HDAC5: variants seen among roughly 807,000 people sequenced by gnomAD.
HDAC5 encodes the protein antigen NY-CO-9.
Under a neutral mutation model 133.3 loss-of-function variants are expected in HDAC5, and 25 were observed. The observed-to-expected ratio is 0.19, with a 90% CI of 0.14 to 0.26. The LOEUF is 0.26. HDAC5 is among the 10% of genes least tolerant of loss of function. The pLI, the probability that HDAC5 is intolerant of heterozygous loss-of-function variation, is 1.00. For missense variants in HDAC5, 1,041 were observed against 1,460.5 expected (o/e 0.71, Z 4.68); for synonymous variants, 589 against 610.8 (o/e 0.96, Z 0.53).
At position 44,092,445 on chromosome 17, in the gene HDAC5, C is replaced by T; in HGVS notation, c.855G>A (p.Lys285=). The T allele has an allele frequency of 6.2e-7, 1 of 1,614,056 alleles. No homozygotes were observed. Among genetic ancestry groups the T allele is most frequent in the Non-Finnish European group, 8.5e-7 (1 of 1,179,986 alleles). The change falls in exon 8 of 27, where the codon AAG becomes AAA. Residue 285 remains lysine (K), a synonymous_variant. Transcript: ENST00000682912. ...ERRSSPLLRR[K]DGTVISTFKK... is the part of the protein sequence containing the mutation. The stretch of plus-strand genomic sequence containing the variant: ...TAAAGGTGCTAATAACAGTCCCATC[C>T]TTGCGACGCAGGAGGGGACTGCTTC...
chr17:44,083,182 G>C (rs911899204), intron 18 of HDAC5, among the ~76,000 whole-genome samples: 1 of 152,058 alleles, frequency 6.6e-6, no homozygotes, highest in African/African-American at 2.4e-5. Context: ...TGTTGCCCAG[G>C]CTGGTCTCGA....
At chr17:44,109,445 A>G (rs228766) in intron 3 of HDAC5, among the ~76,000 whole-genome samples, 103,321 of 151,894 alleles carry the variant, frequency 0.68, 36,141 homozygotes, top group South Asian at 0.88. Flanking sequence ...CCAAGGTTAC[A>G]CCCCCATCCC....
At chr17:44,111,656 C>A (rs765759326) in intron 2 of HDAC5, 1 of 517,788 alleles carries the variant, frequency 1.9e-6, no homozygotes, top group East Asian at 5.4e-5. Flanking sequence ...TTCTAATAGC[C>A]CCATGGAGGT....
Position 44,109,926 on chromosome 17 carries a change from A to T in HDAC5, c.94+803T>A, listed in dbSNP as rs117270959. Among the ~76,000 whole-genome samples, 75 of 152,366 alleles carry T rather than the reference A, an allele frequency of 4.9e-4. No homozygotes were observed. In the East Asian group the frequency reaches 0.014, roughly 27 times the overall value. On this transcript the variant is annotated intron_variant, in intron 3 of 26. Coordinates refer to ENST00000682912, the MANE Select transcript of HDAC5 (RefSeq NM_005474.5). Reference sequence around the variant, plus strand: ...GGGGAGGCTGTGCCAGGAAGGCTTGATGCTGCCAACAGGTTCCTGGGAGTG... The same window carrying T: ...GGGGAGGCTGTGCCAGGAAGGCTTGTTGCTGCCAACAGGTTCCTGGGAGTG...
rs1429660493 is a variant in HDAC5, at chr17:44,080,220, A to G, written c.2831T>C (p.Val944Ala). 6.2e-7 allele frequency: 1 copy of G among 1,613,326 alleles called. No individual in the cohort carries two copies. Among genetic ancestry groups the G allele is most frequent in the Admixed American group, 1.7e-5 (1 of 60,026 alleles). ...GAACTCGTGGGCAATGGGCATCACC[A>G]CTGTCCTGCAAAGGGATGGCTCAAG... ...DVEYLTAFRT[V>A]VMPIAHEFSP... is the part of the protein sequence containing the mutation. Residue 944 changes from valine (V) to alanine (A), a missense_variant, in exon 23 of 27, where the codon GTG becomes GCG. This residue lies in a region of HDAC5 where 174 missense variants were observed against 352.7 expected (regional missense o/e 0.49). Coordinates refer to ENST00000682912, the MANE Select transcript of HDAC5 (RefSeq NM_005474.5).
Position 44,091,486 on chromosome 17 carries a change from G to C in HDAC5, c.1171C>G (p.Pro391Ala). ...GCCTCCTGCTGTGTCGACAGCTTCG[G>C]GGAGGCCTGGGGGGTGAAGGGAGGG... The part of the protein sequence containing the change: ...TVTNSHLTAS[P>A]KLSTQQEAER... Residue 391 changes from proline to alanine, a missense_variant, in exon 11 of 27, where the codon CCG becomes GCG. Transcript: ENST00000682912. 1 of 1,542,908 alleles carries C rather than the reference G, an allele frequency of 6.5e-7. No homozygotes were observed. Among genetic ancestry groups the C allele is most frequent in the Non-Finnish European group, 8.7e-7 (1 of 1,148,724 alleles).
chr17:44,092,847 T>C, intron 6 of HDAC5, 41 bp from the exon 7 acceptor site: 1 of 836,640 alleles, frequency 1.2e-6, no homozygotes, highest in South Asian at 1.9e-5. Context: ...AGATCTAGGT[T>C]ATCACCCAGT....
rs915909649 is a variant in HDAC5, at chr17:44,110,611, A to G, written c.94+118T>C. On this transcript the variant is annotated intron_variant, in intron 3 of 26. Transcript: ENST00000682912. ...CCCCCAGCCCTGTGTATTCTCAACA[A>G]AACTCTCAAGACAGATCTATGCAGG... 5 of 809,576 alleles carry G rather than the reference A, an allele frequency of 6.2e-6. No individual in the cohort carries two copies. In the African/African-American group the frequency reaches 6.8e-5, roughly 11 times the overall value. 50.1% of individuals were successfully genotyped at this position (809,576 alleles called of 1,614,324 possible). A position where few individuals can be genotyped will look rare whatever the true frequency, so the allele number is the denominator to read the frequency against.
At chr17:44,121,532 G>A (rs950404275) in intron 1 of HDAC5, among the ~76,000 whole-genome samples, 3 of 150,586 alleles carry the variant, frequency 2.0e-5, no homozygotes, top group Non-Finnish European at 2.9e-5. Context: ...GATGTGAGTA[G>A]GAAGAATTAA....
chr17:44,093,116 G>C lies in HDAC5; in HGVS notation c.617C>G (p.Ser206Cys), dbSNP rs1292053928. 6.2e-7 allele frequency: 1 copy of C among 1,613,162 alleles called. No individual in the cohort carries two copies. The highest frequency in any genetic ancestry group is 8.5e-7 in the Non-Finnish European group (1 of 1,179,544). Reference sequence around the variant, plus strand: ...CCAGCATTTGGGGTGCTGTGGGAGGGAATGGTTGAGGCCGCCTGGTGTGGG... The same window carrying C: ...CCAGCATTTGGGGTGCTGTGGGAGGCAATGGTTGAGGCCGCCTGGTGTGGG... ...KEPTPGGLNH[S>C]LPQHPKCWGA... The change falls in exon 6 of 27, where the codon TCC (serine) becomes TGC (cysteine). Residue 206 changes from serine (S) to cysteine (C), a missense_variant. By Grantham distance (112) the Ser-to-Cys change is moderately radical (BLOSUM62 -1). This residue lies in a region of HDAC5 where 109 missense variants were observed against 168.0 expected (regional missense o/e 0.65). Transcript: ENST00000682912.
chr17:44,078,288 A>AC lies in HDAC5; in HGVS notation c.*87dup. ...CAAGGCTGAGAGACCCACACGGCAC[A>AC]CCTTGTTGAATGTGTGACTTTTTGT... On this transcript the variant is annotated 3_prime_UTR_variant, in exon 27 of 27. Coordinates refer to ENST00000682912, the MANE Select transcript of HDAC5 (RefSeq NM_005474.5). The AC allele has an allele frequency of 1.5e-6, 2 of 1,377,322 alleles. No homozygotes were observed. The highest frequency in any genetic ancestry group is 1.9e-6 in the Non-Finnish European group (2 of 1,033,476). 85.3% of individuals were successfully genotyped at this position (1,377,322 alleles called of 1,614,324 possible).
chr17:44,079,218 G>A lies in HDAC5; in HGVS notation c.3004C>T (p.Leu1002=). Residue 1002 remains leucine, a synonymous_variant, in exon 24 of 27, where the codon CTG becomes TTG. Transcript: ENST00000682912. ...GCGGTCAAGTCATGGCCTCCCTCCA[G>A]GGCCAGCACCACCCGGCCCCCTGCC... ...TLAGGRVVLA[L]EGGHDLTAIC... The A allele has an allele frequency of 6.2e-7, 1 of 1,613,362 alleles. No homozygotes were observed. The highest frequency in any genetic ancestry group is 8.5e-7 in the Non-Finnish European group (1 of 1,179,404).
intron 3 of HDAC5, among the ~76,000 whole-genome samples, chr17:44,110,440 C>T (rs912883045): frequency 6.6e-6 from 1 of 152,208 alleles, no homozygotes; most frequent in Non-Finnish European, 1.5e-5. Flanking sequence ...GGCCAGGATC[C>T]TCCAGTAACC....
intron 2 of HDAC5, among the ~76,000 whole-genome samples, chr17:44,115,281 T>G (rs1404179682): frequency 6.6e-6 from 1 of 152,238 alleles, no homozygotes; most frequent in East Asian, 1.9e-4. Context: ...GAGGAAAAGG[T>G]GGGAGGCGCT....
rs748540998 is a variant in HDAC5 at position 44,092,194 on chromosome 17, G to A, written c.1010C>T (p.Ser337Leu). Residue 337 changes from serine (S) to leucine (L), a missense_variant, in exon 9 of 27, where the codon TCA becomes TTA. Physicochemically the swap from Ser to Leu is moderately radical, Grantham distance 145. Around this residue, in one of 9 missense-constraint regions of HDAC5, gnomAD observed 433 missense variants for 531.6 expected, o/e 0.81. Transcript: ENST00000682912. Reference protein sequence around the residue: ...STIAENGFTGSVPNIPTEMLP... With the variant: ...STIAENGFTGLVPNIPTEMLP... ...TACCTCAGTGGGGATGTTGGGGACT[G>A]AGCCAGTAAAGCCATTCTCAGCGAT... 6.2e-7 allele frequency: 1 copy of A among 1,614,060 alleles called. No individual in the cohort carries two copies. The highest frequency in any genetic ancestry group is 8.5e-7 in the Non-Finnish European group (1 of 1,179,956).
Position 44,091,727 on chromosome 17 carries a change from C to A in HDAC5, c.1137G>T (p.Thr379=), listed in dbSNP as rs761825932. The A allele has an allele frequency of 3.2e-6, 5 of 1,584,854 alleles. No individual in the cohort carries two copies. The South Asian group carries it at 5.8e-5, about 18-fold the overall frequency. Residue 379 remains threonine, a synonymous_variant, in exon 10 of 27, where the codon ACG becomes ACT. Coordinates refer to ENST00000682912, the MANE Select transcript of HDAC5 (RefSeq NM_005474.5). ...TGAGGTGTGAGTTGGTGACAGTGAC[C>A]GTGGCCTGCAGCCCTAGGGAGATGT... is the stretch of plus-strand genomic sequence containing the variant. The part of the protein sequence containing the change: ...LPNISLGLQA[T]VTVTNSHLTA...
At chr17:44,094,420 G>A (rs9747502) in intron 3 of HDAC5, among the ~76,000 whole-genome samples, 1 of 151,844 alleles carries the variant, frequency 6.6e-6, no homozygotes, top group South Asian at 2.1e-4. Context: ...GGTAGATCAC[G>A]AGGTCAGGAG....
In HDAC5 at chr17:44,093,526, C is replaced by T. The variant is rs779612449; in HGVS notation, c.355-41G>A. 3.3e-5 allele frequency: 52 copies of T among 1,598,146 alleles called. No homozygotes were observed. The East Asian group carries it at 9.2e-4, about 28-fold the overall frequency. ...AACGGAGGCACAAGTGAGCCAGGCCCGGGCGGGGATCGGAGGTCTGGGCGG... is the reference window on the plus strand; with the variant it reads ...AACGGAGGCACAAGTGAGCCAGGCCTGGGCGGGGATCGGAGGTCTGGGCGG... On this transcript the variant is annotated intron_variant, in intron 4 of 26. Coordinates refer to ENST00000682912, the MANE Select transcript of HDAC5 (RefSeq NM_005474.5).
chr17:44,093,881 C>T lies in HDAC5; in HGVS notation c.95-47G>A. ...AGGAGTTAGTGGGCCCAGCCCCAGA[C>T]TCCAGTCATGCCTGAGGCCCAAAGG... On this transcript the variant is annotated intron_variant, in intron 3 of 26. Transcript: ENST00000682912. The T allele has an allele frequency of 2.8e-6, 4 of 1,447,820 alleles. No homozygotes were observed. In the South Asian group the frequency reaches 4.5e-5, roughly 16 times the overall value. 89.7% of individuals were successfully genotyped at this position (1,447,820 alleles called of 1,614,324 possible).
Sources: gnomAD v4.1 joint callset for allele counts (sites outside exome capture counted in the v4.1 genomes callset) on GRCh38, gnomAD v4.1.1 for gene constraint, gnomAD v4.1.1 regional missense constraint, MANE v1.5 for transcripts, NCBI Gene and HGNC (gene_info 2026-07-23, HGNC 2026-07-21) for gene names.